ZNF385C: variants seen among roughly 807,000 people sequenced by gnomAD.
ZNF385C encodes the protein CTD-2132N18.2.
ZNF385C carries 28 observed loss-of-function variants against 35.4 expected under a neutral mutation model. The ratio of observed to expected loss-of-function variants is 0.79; its 90% confidence interval spans 0.59 to 1.08. The LOEUF (loss-of-function observed/expected upper bound fraction) is 1.08, where lower values mean the gene tolerates loss of function less well. Ranked by LOEUF, ZNF385C falls within the 50% of genes least tolerant of loss-of-function variation. The probability of loss-of-function intolerance (pLI) is 0.00; values close to 1 mark genes in which losing one functional copy is unlikely to be tolerated. For missense variants in ZNF385C, 605 were observed against 595.6 expected (o/e 1.02, Z -0.16); for synonymous variants, 248 against 248.2 (o/e 1.00, Z 0.01).
chr17:42,062,870 C>G lies in ZNF385C; in HGVS notation c.187G>C (p.Gly63Arg), dbSNP rs544587713. Residue 63 changes from glycine to arginine, a missense_variant, in exon 2 of 9, where the codon GGG (glycine) becomes CGG (arginine). Transcript: ENST00000692273. ...NSAAQAQVHC[G>R]GRAHQRRLRQ... ...AGCCGCCTCTGGTGGGCCCGCCCCC[C>G]ACAGTGCACCTGGGCCTGGGCCGCC... The G allele has an allele frequency of 1.2e-5, 8 of 661,648 alleles. No homozygotes were observed. The highest frequency in any genetic ancestry group is 3.6e-5 in the African/African-American group (2 of 55,446). The allele number at this position is 661,648 out of a possible 1,614,324, so 41.0% of individuals were successfully genotyped here.
Position 42,050,239 on chromosome 17 carries a change from TCCCGAGCCTCCTC to T in ZNF385C, c.251-12367_251-12355del, listed in dbSNP as rs782440808. Among the ~76,000 whole-genome samples, 12 of 152,190 alleles carry T rather than the reference TCCCGAGCCTCCTC, an allele frequency of 7.9e-5. No individual in the cohort carries two copies. Among genetic ancestry groups the T allele is most frequent in the Non-Finnish European group, 1.8e-4 (12 of 68,012 alleles). Reference sequence around the variant, plus strand: ...TATTCATGTGGCCCCAGAATGTGGGTCCCGAGCCTCCTCCCCGGGCTCCTGGGGGCCCCTTGCT... The same window carrying T: ...TATTCATGTGGCCCCAGAATGTGGGTCCCGGGCTCCTGGGGGCCCCTTGCT... On this transcript the variant is annotated intron_variant, in intron 2 of 8. Transcript: ENST00000692273. The surrounding 1 kb of genome is among the most constrained non-coding windows in gnomAD (Gnocchi z 5.6).
intron 7 of ZNF385C, 27 bp downstream of exon 7, chr17:42,028,023 C>T (rs2052634147): frequency 7.0e-7 from 1 of 1,428,228 alleles, no homozygotes; most frequent in South Asian, 1.1e-5. Flanking sequence ...CTGGCTCCAA[C>T]CCCAGTCACA....
intron 1 of ZNF385C, among the ~76,000 whole-genome samples, chr17:42,073,901 G>A (rs2053657862): frequency 6.6e-6 from 1 of 152,206 alleles, no homozygotes; most frequent in South Asian, 2.1e-4. Context: ...ATGGTGGGGA[G>A]CCTCAGGGAT....
At chr17:42,083,432 C>T (rs542713329) in intron 1 of ZNF385C, among the ~76,000 whole-genome samples, 4 of 151,940 alleles carry the variant, frequency 2.6e-5, no homozygotes, top group South Asian at 2.1e-4. Flanking sequence ...TGGTCTCGAT[C>T]TCCTAACCTC....
chr17:42,041,305 A>G, intron 2 of ZNF385C: 1 of 913,626 alleles, frequency 1.1e-6, no homozygotes, highest in Non-Finnish European at 1.4e-6. Flanking sequence ...AGACAGACTT[A>G]GGGACTAATC....
chr17:42,081,928 G>A (rs1422817854), intron 1 of ZNF385C, among the ~76,000 whole-genome samples: 1 of 152,184 alleles, frequency 6.6e-6, no homozygotes, highest in Non-Finnish European at 1.5e-5. Flanking sequence ...GTTTCTAGGA[G>A]AGCAAGGGCG....
In ZNF385C at chr17:42,075,685, A is replaced by G. The variant is rs373510178; in HGVS notation, c.-2-12627T>C. ...CATTTTTTGTATTTTTAGTAGAGAC[A>G]GGGTTTCACCGTGTTAGCCAGGATG... On this transcript the variant is annotated intron_variant, in intron 1 of 8. Coordinates refer to ENST00000692273, the MANE Select transcript of ZNF385C (RefSeq NM_001392013.1). 3.3e-5 allele frequency among the ~76,000 whole-genome samples: 5 copies of G among 152,068 alleles called. 1 individual carries two copies. The highest frequency in any genetic ancestry group is 9.6e-5 in the African/African-American group (4 of 41,490).
At chr17:42,068,945 G>C (rs1395437455) in intron 1 of ZNF385C, among the ~76,000 whole-genome samples, 1 of 152,116 alleles carries the variant, frequency 6.6e-6, no homozygotes, top group Non-Finnish European at 1.5e-5. Flanking sequence ...TCGCAGAGAC[G>C]GGCTACACCC....
chr17:42,083,366 G>T (rs755898483), intron 1 of ZNF385C, among the ~76,000 whole-genome samples: 1 of 151,442 alleles, frequency 6.6e-6, no homozygotes, highest in Non-Finnish European at 1.5e-5. Flanking sequence ...ACACGCCCCC[G>T]CTAATTTTTT....
intron 2 of ZNF385C, chr17:42,041,242 A>C: frequency 8.1e-7 from 1 of 1,227,944 alleles, no homozygotes; most frequent in South Asian, 4.2e-5. Flanking sequence ...GCTTGTCCTG[A>C]GAGGCGGAGG....
At chr17:42,067,521 C>T (rs2053565514) in intron 1 of ZNF385C, among the ~76,000 whole-genome samples, 1 of 152,094 alleles carries the variant, frequency 6.6e-6, no homozygotes, top group African/African-American at 2.4e-5. Context: ...ACCCCCTGGG[C>T]ATGACAGACC....
rs181170248 is a variant in ZNF385C at position 42,078,974 on chromosome 17, G to A, written c.-2-15916C>T. Among the ~76,000 whole-genome samples the A allele has an allele frequency of 3.5e-4, 53 of 152,084 alleles. 1 individual carries two copies. The South Asian group carries it at 0.01, about 29-fold the overall frequency. ...ATCTTAGTTTCCTGTCTGTAAAATGGAGATAATGGTAACAACAATGCCTAA... is the reference window on the plus strand; with the variant it reads ...ATCTTAGTTTCCTGTCTGTAAAATGAAGATAATGGTAACAACAATGCCTAA... On this transcript the variant is annotated intron_variant, in intron 1 of 8. Coordinates refer to ENST00000692273, the MANE Select transcript of ZNF385C (RefSeq NM_001392013.1).
rs1164784342 is a variant in ZNF385C, at chr17:42,043,453, C to T, written c.251-5568G>A. 3.4e-6 allele frequency: 4 copies of T among 1,187,118 alleles called. No homozygotes were observed. In the African/African-American group the frequency reaches 6.3e-5, roughly 19 times the overall value. 73.5% of individuals were successfully genotyped at this position (1,187,118 alleles called of 1,614,324 possible). On this transcript the variant is annotated intron_variant, in intron 2 of 8. Coordinates refer to ENST00000692273, the MANE Select transcript of ZNF385C (RefSeq NM_001392013.1). Reference sequence around the variant, plus strand: ...CCCTGCCTCCCCCACACACAGGCACCTCCCTTGACAAGGAGAGTTGATGGG... The same window carrying T: ...CCCTGCCTCCCCCACACACAGGCACTTCCCTTGACAAGGAGAGTTGATGGG...
chr17:42,030,159 TA>T (rs1412710472), intron 5 of ZNF385C, among the ~76,000 whole-genome samples: 2 of 151,864 alleles, frequency 1.3e-5, no homozygotes, highest in Non-Finnish European at 2.9e-5. Flanking sequence ...CTTACAGATA[TA>T]ATGAATGTTG....
intron 1 of ZNF385C, among the ~76,000 whole-genome samples, chr17:42,093,135 G>A (rs1207345707): frequency 6.6e-6 from 1 of 152,194 alleles, no homozygotes; most frequent in African/African-American, 2.4e-5. Context: ...GGGAGGCCAG[G>A]AGAGGGCAGG....
At chr17:42,030,646 G>A (rs567611127) in intron 5 of ZNF385C, among the ~76,000 whole-genome samples, 2 of 152,314 alleles carry the variant, frequency 1.3e-5, no homozygotes, top group East Asian at 3.9e-4. Flanking sequence ...TAGTTGAATA[G>A]TGTCTCCCCC....
chr17:42,027,655 A>G lies in ZNF385C; in HGVS notation c.1238T>C (p.Leu413Pro). 1 of 1,603,420 alleles carries G rather than the reference A, an allele frequency of 6.2e-7. No homozygotes were observed. ...CACAGCCAGCGCTGCGTGCTTCTGC[A>G]GCTTGCTGTGCTGGCTGGAGGGCTT... ...TPKPSSQHSK[L>P]QKHAALAVSI... is the part of the protein sequence containing the mutation. The change falls in exon 8 of 9, where the codon CTG (leucine) becomes CCG (proline). Residue 413 changes from leucine to proline, a missense_variant. By Grantham distance (98) the Leu-to-Pro change is moderately conservative (BLOSUM62 -3). Transcript: ENST00000692273.
intron 1 of ZNF385C, among the ~76,000 whole-genome samples, chr17:42,067,934 G>A (rs373433419): frequency 2.0e-5 from 3 of 152,168 alleles, no homozygotes; most frequent in Admixed American, 6.5e-5. Flanking sequence ...CAGGCGGGCC[G>A]GGGACATCGC....
intron 1 of ZNF385C, among the ~76,000 whole-genome samples, chr17:42,080,803 C>T (rs2053740172): frequency 6.6e-6 from 1 of 152,236 alleles, no homozygotes; most frequent in Non-Finnish European, 1.5e-5. Context: ...GCCCCCCAGG[C>T]CCACTGGTGC....
Sources: allele counts gnomAD v4.1 joint callset (sites outside exome capture counted in the v4.1 genomes callset), GRCh38; gene constraint gnomAD v4.1.1; non-coding constraint Gnocchi (gnomAD v3.1); transcripts MANE v1.5; gene names NCBI Gene and HGNC (gene_info 2026-07-23, HGNC 2026-07-21).